P2RY14: variants seen among roughly 807,000 people sequenced by gnomAD.
The protein encoded by P2RY14 is purinergic receptor P2Y14.
Under a neutral mutation model 0.9 loss-of-function variants are expected in P2RY14, and 2 were observed. The observed-to-expected ratio is 2.16, with a 90% CI of 0.88 to 6.79. P2RY14 has a LOEUF of 6.79. Ranked by LOEUF, P2RY14 falls within the 30% of genes most tolerant of loss-of-function variation. The pLI, the probability that P2RY14 is intolerant of heterozygous loss-of-function variation, is 0.05. For missense variants in P2RY14, 378 were observed against 400.1 expected (o/e 0.94, Z 0.47); for synonymous variants, 158 against 147.2 (o/e 1.07, Z -0.53).
At position 151,221,910 on chromosome 3, in the gene P2RY14, C is replaced by T. The variant is rs192931304; in HGVS notation, c.-132-2268G>A. ...TAGTAGATCCCCTGACAGCTTGCAC[C>T]GCTGGTCTGGAAAAGTTGCAGATAC... On this transcript the variant is annotated intron_variant, in intron 1 of 2. Coordinates refer to ENST00000309170, the MANE Select transcript of P2RY14 (RefSeq NM_014879.4). Among the ~76,000 whole-genome samples, 12 of 152,280 alleles carry T rather than the reference C, an allele frequency of 7.9e-5. No homozygotes were observed. In the East Asian group the frequency reaches 9.7e-4, roughly 12 times the overall value.
chr3:151,230,217 G>A (rs565573022), intron 1 of P2RY14, among the ~76,000 whole-genome samples: 6 of 152,266 alleles, frequency 3.9e-5, no homozygotes, highest in South Asian at 2.1e-4. Context: ...CTTGTGATCC[G>A]CAAGTCTCGG....
intron 1 of P2RY14, among the ~76,000 whole-genome samples, chr3:151,259,898 G>A (rs1046033673): frequency 6.6e-6 from 1 of 152,130 alleles, no homozygotes; most frequent in Non-Finnish European, 1.5e-5. Context: ...ATCCTGTTCT[G>A]TCCTTTCTGT....
At chr3:151,266,180 G>C (rs1739801363) in intron 1 of P2RY14, among the ~76,000 whole-genome samples, 2 of 152,160 alleles carry the variant, frequency 1.3e-5, no homozygotes, top group African/African-American at 2.4e-5. Context: ...TGCTGCCTCT[G>C]TGCCTTTGAG....
chr3:151,254,826 T>C (rs1026571743), intron 1 of P2RY14, among the ~76,000 whole-genome samples: 2 of 152,244 alleles, frequency 1.3e-5, no homozygotes. Flanking sequence ...CTTTTGCTTT[T>C]GGCAGGTTGC....
intron 1 of P2RY14, among the ~76,000 whole-genome samples, chr3:151,272,624 G>T (rs906492015): frequency 8.5e-5 from 13 of 152,184 alleles, no homozygotes; most frequent in Non-Finnish European, 1.5e-4. Flanking sequence ...TCTGCCCCAA[G>T]TATAAAATAT....
intron 1 of P2RY14, among the ~76,000 whole-genome samples, chr3:151,273,535 C>A (rs1373389061): frequency 6.6e-6 from 1 of 151,872 alleles, no homozygotes; most frequent in Non-Finnish European, 1.5e-5. Flanking sequence ...GCCACTGCGC[C>A]CGGCCTGATT....
At chr3:151,236,499 A>C (rs1559916525) in intron 1 of P2RY14, among the ~76,000 whole-genome samples, 2 of 152,214 alleles carry the variant, frequency 1.3e-5, no homozygotes, top group Non-Finnish European at 2.9e-5. Context: ...CTCAGTAACC[A>C]AAACGAAAGC....
Position 151,214,142 on chromosome 3 carries a change from A to G in P2RY14, c.175T>C (p.Tyr59His). 1.2e-6 allele frequency: 2 copies of G among 1,614,128 alleles called. No homozygotes were observed. Among genetic ancestry groups the G allele is most frequent in the Non-Finnish European group, 1.7e-6 (2 of 1,179,968 alleles). ...TCAGCAATAACAATGTTCTTGAGATAGATGATGAAACTCTTAGAGCTGGGC... is the reference window on the plus strand; with the variant it reads ...TCAGCAATAACAATGTTCTTGAGATGGATGATGAAACTCTTAGAGCTGGGC... ...YVPSSKSFII[Y>H]LKNIVIADFV... Residue 59 changes from tyrosine (Y) to histidine (H), a missense_variant, in exon 3 of 3, where the codon TAT becomes CAT. Transcript: ENST00000309170.
chr3:151,238,178 G>A (rs957114575), intron 1 of P2RY14, among the ~76,000 whole-genome samples: 10 of 148,190 alleles, frequency 6.7e-5, no homozygotes, highest in Non-Finnish European at 1.3e-4. Flanking sequence ...ATGGAGTCTC[G>A]CTCTGTCACC....
At chr3:151,226,590 G>A (rs754163940) in intron 1 of P2RY14, among the ~76,000 whole-genome samples, 5 of 151,904 alleles carry the variant, frequency 3.3e-5, no homozygotes, top group East Asian at 1.9e-4. Flanking sequence ...TGCTGGAGTC[G>A]CATCTTGAGA....
chr3:151,235,725 A>G (rs1010127646), intron 1 of P2RY14, among the ~76,000 whole-genome samples: 4 of 151,220 alleles, frequency 2.6e-5, no homozygotes, highest in Non-Finnish European at 4.4e-5. Context: ...ATAAATAAGT[A>G]AAAGCAACTC....
chr3:151,273,227 CTTTTTTTTTT>C (rs63035061), intron 1 of P2RY14, among the ~76,000 whole-genome samples: 12 of 106,166 alleles, frequency 1.1e-4, no homozygotes, highest in Admixed American at 4.2e-4. Flanking sequence ...TTGTTGTGTT[CTTTTTTTTTT>C]TTTTTTTTTT....
At chr3:151,250,619 C>A (rs544923641) in intron 1 of P2RY14, among the ~76,000 whole-genome samples, 2 of 152,282 alleles carry the variant, frequency 1.3e-5, no homozygotes, top group South Asian at 4.1e-4. Flanking sequence ...CTTTTTAAGA[C>A]TGAATAATAT....
At chr3:151,248,408 C>T (rs538307120) in intron 1 of P2RY14, among the ~76,000 whole-genome samples, 1 of 152,174 alleles carries the variant, frequency 6.6e-6, no homozygotes, top group Admixed American at 6.5e-5. Flanking sequence ...AGAGTTTTAG[C>T]ATTTTGTGCT....
At chr3:151,218,377 A>T (rs1046865608) in intron 2 of P2RY14, among the ~76,000 whole-genome samples, 1 of 152,210 alleles carries the variant, frequency 6.6e-6, no homozygotes, top group South Asian at 2.1e-4. Flanking sequence ...ATAAGCAGGC[A>T]GTCTGGTGAG....
chr3:151,218,277 C>G (rs1240750122), intron 2 of P2RY14, among the ~76,000 whole-genome samples: 1 of 152,172 alleles, frequency 6.6e-6, no homozygotes, highest in Non-Finnish European at 1.5e-5. Context: ...CTTACCAGCT[C>G]ATGCCAGTCC....
chr3:151,242,287 C>T (rs1308512333), intron 1 of P2RY14, among the ~76,000 whole-genome samples: 2 of 152,264 alleles, frequency 1.3e-5, no homozygotes, highest in African/African-American at 4.8e-5. Context: ...TCAAGGAGGC[C>T]TGCCTGCCTC....
intron 1 of P2RY14, among the ~76,000 whole-genome samples, chr3:151,273,678 G>A (rs1741390049): frequency 6.6e-6 from 1 of 152,136 alleles, no homozygotes; most frequent in Non-Finnish European, 1.5e-5. Flanking sequence ...AAGTGGTGGA[G>A]TCAAGATTTG....
intron 1 of P2RY14, among the ~76,000 whole-genome samples, chr3:151,267,862 C>A (rs144129202): frequency 6.6e-6 from 1 of 152,196 alleles, no homozygotes; most frequent in East Asian, 1.9e-4. Flanking sequence ...AAACAGCTGT[C>A]AAAATACAGT....
Sources: allele counts gnomAD v4.1 joint callset (sites outside exome capture counted in the v4.1 genomes callset), GRCh38; gene constraint gnomAD v4.1.1; transcripts MANE v1.5; gene names NCBI Gene and HGNC (gene_info 2026-07-23, HGNC 2026-07-21).